PKN2: variants seen among roughly 807,000 people sequenced by gnomAD.
PKN2 encodes the protein serine/threonine-protein kinase N2.
In PKN2, 38 loss-of-function variants were observed where a neutral mutation model predicts 119.1. That is an observed-to-expected ratio of 0.32 (90% CI 0.25 to 0.42). The LOEUF is 0.42. PKN2 is among the 10% of genes least tolerant of loss of function. The probability of loss-of-function intolerance (pLI) is 1.00; values close to 1 mark genes in which losing one functional copy is unlikely to be tolerated. For missense variants in PKN2, 850 were observed against 1,165.1 expected (o/e 0.73, Z 3.94); for synonymous variants, 390 against 384.9 (o/e 1.01, Z -0.15).
intron 17 of PKN2, among the ~76,000 whole-genome samples, chr1:88,823,703 T>TAA (rs61234342): frequency 5.5e-4 from 36 of 65,780 alleles, no homozygotes; most frequent in East Asian, 2.4e-3. Context: ...GACTCTGTCT[T>TAA]AAAAAAAAAA....
At chr1:88,685,928 TTGA>T (rs981288547) in intron 1 of PKN2, among the ~76,000 whole-genome samples, 1 of 152,198 alleles carries the variant, frequency 6.6e-6, no homozygotes, top group Non-Finnish European at 1.5e-5. Context: ...GGTATAATGG[TTGA>T]TATTTCCTCC....
chr1:88,777,108 CTCTTAAGACTAGACAAGT>C (rs1330114590), intron 6 of PKN2, among the ~76,000 whole-genome samples: 1 of 152,038 alleles, frequency 6.6e-6, no homozygotes, highest in Non-Finnish European at 1.5e-5. Context: ...TTTCTTTCTG[CTCTTAAGACTAGACAAGT>C]GCAATTGATC....
chr1:88,811,360 T>C (rs945256946), intron 15 of PKN2, among the ~76,000 whole-genome samples: 1 of 152,256 alleles, frequency 6.6e-6, no homozygotes, highest in East Asian at 1.9e-4. Context: ...ACTATTTATA[T>C]AAGTTTTCAG....
chr1:88,740,657 G>GT (rs1668542350), intron 1 of PKN2, among the ~76,000 whole-genome samples: 2 of 152,144 alleles, frequency 1.3e-5, no homozygotes, highest in South Asian at 4.1e-4. Context: ...AAGGTTCACA[G>GT]TGTAGGGGTT....
At chr1:88,706,592 G>A (rs80136028) in intron 1 of PKN2, among the ~76,000 whole-genome samples, 4 of 152,094 alleles carry the variant, frequency 2.6e-5, no homozygotes, top group Admixed American at 2.0e-4. Flanking sequence ...CATAATTCAT[G>A]TAAGATTAGT....
intron 20 of PKN2, 53 bp downstream of exon 20, chr1:88,832,904 T>A: frequency 7.9e-7 from 1 of 1,258,762 alleles, no homozygotes; most frequent in Non-Finnish European, 1.1e-6. Context: ...TAATTTTTTA[T>A]ACTAAAGAAA....
At chr1:88,772,798 A>G (rs956316927) in intron 6 of PKN2, among the ~76,000 whole-genome samples, 1 of 152,210 alleles carries the variant, frequency 6.6e-6, no homozygotes, top group Non-Finnish European at 1.5e-5. Flanking sequence ...ACAGTAATGT[A>G]TAAAGTGGGT....
chr1:88,817,120 C>T (rs967621141), intron 16 of PKN2, among the ~76,000 whole-genome samples: 1 of 152,134 alleles, frequency 6.6e-6, no homozygotes, highest in African/African-American at 2.4e-5. Context: ...AGGCCAATAT[C>T]CCTGATGAAC....
intron 9 of PKN2, 92 bp from the exon 10 acceptor site, chr1:88,804,754 C>T: frequency 2.5e-6 from 2 of 792,040 alleles, no homozygotes; most frequent in Non-Finnish European, 4.1e-6. Flanking sequence ...TAAACTGTAA[C>T]TAAGATTCTC....
intron 16 of PKN2, 46 bp from the exon 17 acceptor site, chr1:88,821,895 A>G: frequency 7.0e-7 from 1 of 1,420,052 alleles, no homozygotes; most frequent in Non-Finnish European, 9.4e-7. Context: ...GGGATTCAAG[A>G]GCAATAAAAT....
chr1:88,722,786 A>C (rs1348110718), intron 1 of PKN2, among the ~76,000 whole-genome samples: 1 of 151,612 alleles, frequency 6.6e-6, no homozygotes, highest in African/African-American at 2.4e-5. Flanking sequence ...CTGTCTCAAA[A>C]TAAAAAAAAA....
At chr1:88,820,179 C>G (rs1447343353) in intron 16 of PKN2, among the ~76,000 whole-genome samples, 1 of 65,460 alleles carries the variant, frequency 1.5e-5, no homozygotes, top group African/African-American at 7.4e-5. Flanking sequence ...TTTTCAGAAA[C>G]CTATATATAT....
chr1:88,771,018 C>G (rs1467743824), intron 4 of PKN2, among the ~76,000 whole-genome samples: 1 of 151,164 alleles, frequency 6.6e-6, no homozygotes, highest in East Asian at 1.9e-4. Context: ...CAAGTACTTA[C>G]AATCAGTCTT....
chr1:88,705,822 T>C (rs913001569), intron 1 of PKN2, among the ~76,000 whole-genome samples: 1 of 152,078 alleles, frequency 6.6e-6, no homozygotes, highest in South Asian at 2.1e-4. Context: ...ATATTTATTA[T>C]TATTTTTTTT....
intron 6 of PKN2, among the ~76,000 whole-genome samples, chr1:88,778,943 T>C (rs534661969): frequency 6.6e-6 from 1 of 152,316 alleles, no homozygotes; most frequent in East Asian, 1.9e-4. Context: ...CAGGATGGTC[T>C]CGATCTCCTG....
At chr1:88,709,382 C>CT (rs1299472580) in intron 1 of PKN2, among the ~76,000 whole-genome samples, 1 of 152,108 alleles carries the variant, frequency 6.6e-6, no homozygotes, top group Non-Finnish European at 1.5e-5. Context: ...ATCAAATACA[C>CT]TTTCTTCTCT....
At chr1:88,739,338 A>G (rs60180421) in intron 1 of PKN2, among the ~76,000 whole-genome samples, 10,157 of 152,164 alleles carry the variant, frequency 0.067, 696 homozygotes, top group African/African-American at 0.18. Context: ...ATAGAAATCA[A>G]CTACTTCATA....
intron 11 of PKN2, 52 bp downstream of exon 11, chr1:88,805,723 T>C: frequency 6.2e-7 from 1 of 1,604,110 alleles, no homozygotes; most frequent in Non-Finnish European, 8.5e-7. Flanking sequence ...TGGGACATTC[T>C]TACGTACTGA....
intron 3 of PKN2, among the ~76,000 whole-genome samples, chr1:88,766,656 T>TTC (rs1466903997): frequency 6.6e-6 from 1 of 152,160 alleles, no homozygotes. Flanking sequence ...CTACCTAAGG[T>TTC]ATGTAAAAAC....
Sources: allele counts gnomAD v4.1 joint callset (sites outside exome capture counted in the v4.1 genomes callset), GRCh38; gene constraint gnomAD v4.1.1; transcripts MANE v1.5; gene names NCBI Gene and HGNC (gene_info 2026-07-23, HGNC 2026-07-21).